The following ADAMTS18 variants were observed in gnomAD, a reference collection of about 807,000 sequenced individuals.
ADAMTS18 encodes A disintegrin and metalloproteinase with thrombospondin motifs 18.
ADAMTS18 carries 157 observed loss-of-function variants against 165.9 expected under a neutral mutation model. That is an observed-to-expected ratio of 0.95 (90% CI 0.83 to 1.08). The LOEUF (loss-of-function observed/expected upper bound fraction) is 1.08. ADAMTS18 is among the 50% of genes least tolerant of loss of function. The pLI, the probability that ADAMTS18 is intolerant of heterozygous loss-of-function variation, is 0.00. For synonymous variants in ADAMTS18, 782 were observed against 578.2 expected (o/e 1.35, Z -5.06); for missense variants, 2,040 against 1,534.0 (o/e 1.33, Z -5.51).
intron 3 of ADAMTS18, among the ~76,000 whole-genome samples, chr16:77,387,042 T>A (rs1049393220): frequency 2.0e-5 from 3 of 152,206 alleles, no homozygotes; most frequent in African/African-American, 7.2e-5. Context: ...AGAGGGCTAT[T>A]TGCATACTAA....
At chr16:77,332,955 G>C (rs2056214502) in intron 12 of ADAMTS18, among the ~76,000 whole-genome samples, 1 of 152,182 alleles carries the variant, frequency 6.6e-6, no homozygotes, top group South Asian at 2.1e-4. Context: ...GTCAACACGT[G>C]TTGATGTACA....
chr16:77,308,423 T>C (rs533695814), intron 16 of ADAMTS18, among the ~76,000 whole-genome samples: 4 of 152,050 alleles, frequency 2.6e-5, no homozygotes, highest in Non-Finnish European at 5.9e-5. Context: ...TGTGTGTGTA[T>C]GTGGGTGAGA....
chr16:77,428,230 T>A (rs148402834), intron 3 of ADAMTS18, among the ~76,000 whole-genome samples: 4 of 152,216 alleles, frequency 2.6e-5, no homozygotes, highest in African/African-American at 9.6e-5. Context: ...AGGGTGGCTG[T>A]CTCTCCTGGC....
chr16:77,288,119 T>TG (rs1311512052), intron 22 of ADAMTS18, among the ~76,000 whole-genome samples: 3 of 152,248 alleles, frequency 2.0e-5, no homozygotes, highest in Non-Finnish European at 4.4e-5. Context: ...TATTAGGTGC[T>TG]GGGTGAGCCA....
In ADAMTS18 at chr16:77,294,925, G is replaced by A. The variant is rs1452781260; in HGVS notation, c.3004C>T (p.Gln1002Ter). Residue 1002 changes from glutamine to a stop codon, truncating the protein, a stop_gained and splice_region_variant, in exon 19 of 23, where the codon CAG becomes TAG. Transcript: ENST00000282849. LOFTEE classifies it high-confidence loss of function. ...ACTCCCAAGTTTTCTCCTGTTACCT[G>A]AGACCAGGGTCCAAGGCTCCATTGT... The part of the protein sequence containing the change: ...PPQWSLGPWS[Q>*]CSKTCGRGVR... The A allele has an allele frequency of 6.2e-7, 1 of 1,614,096 alleles. No individual in the cohort carries two copies. The highest frequency in any genetic ancestry group is 1.7e-5 in the Admixed American group (1 of 60,020).
Position 77,283,855 on chromosome 16 carries a change from G to C in ADAMTS18, c.*101C>G, listed in dbSNP as rs779949920. The stretch of plus-strand genomic sequence containing the variant: ...TCCTTCATCACAGCGGCAGCTCACA[G>C]ATGGTTCTCGGTGCTCAGCTCCTGG... On this transcript the variant is annotated 3_prime_UTR_variant, in exon 23 of 23. Coordinates refer to ENST00000282849, the MANE Select transcript of ADAMTS18 (RefSeq NM_199355.4). 1 of 909,900 alleles carries C rather than the reference G, an allele frequency of 1.1e-6. No individual in the cohort carries two copies. The highest frequency in any genetic ancestry group is 1.6e-5 in the African/African-American group (1 of 61,062). 56.4% of individuals were successfully genotyped at this position (909,900 alleles called of 1,614,324 possible). A position where few individuals can be genotyped will look rare whatever the true frequency, so the allele number is the denominator to read the frequency against.
At position 77,434,812 on chromosome 16, in the gene ADAMTS18, G is replaced by C. The variant is rs546839632; in HGVS notation, c.-117C>G. 137 of 861,812 alleles carry C rather than the reference G, an allele frequency of 1.6e-4. No individual in the cohort carries two copies. In the African/African-American group the frequency reaches 2.3e-3, roughly 14 times the overall value. The allele number at this position is 861,812 out of a possible 1,614,324, so 53.4% of individuals were successfully genotyped here. A position where few individuals can be genotyped will look rare whatever the true frequency, so the allele number is the denominator to read the frequency against. On this transcript the variant is annotated 5_prime_UTR_variant, in exon 1 of 23. Coordinates refer to ENST00000282849, the MANE Select transcript of ADAMTS18 (RefSeq NM_199355.4). Reference sequence around the variant, plus strand: ...GCGCCCCAGGTGCGGCTCCAGGTGAGAGCCGCCGCCGTTCACATCGCAGCG... The same window carrying C: ...GCGCCCCAGGTGCGGCTCCAGGTGACAGCCGCCGCCGTTCACATCGCAGCG...
At chr16:77,321,637 G>C (rs2056000411) in intron 14 of ADAMTS18, among the ~76,000 whole-genome samples, 1 of 151,998 alleles carries the variant, frequency 6.6e-6, no homozygotes, top group Non-Finnish European at 1.5e-5. Context: ...AAAATAACTG[G>C]GGAAAAATAG....
chr16:77,300,936 C>T (rs2055570790), intron 16 of ADAMTS18, among the ~76,000 whole-genome samples: 1 of 152,180 alleles, frequency 6.6e-6, no homozygotes, highest in Non-Finnish European at 1.5e-5. Flanking sequence ...AATACCCCCA[C>T]TTAGAGTTGC....
In ADAMTS18 at chr16:77,326,017, G is replaced by GA; in HGVS notation, c.1880dup (p.Cys628LeufsTer5). 1 of 1,614,006 alleles carries GA rather than the reference G, an allele frequency of 6.2e-7. No homozygotes were observed. The stretch of plus-strand genomic sequence containing the variant: ...GATAAATACGGCTAGAACCTGGACA[G>GA]AATAAGCCACCATACTGAGGCCTGA... On this transcript the variant is annotated frameshift_variant, in exon 13 of 23. Transcript: ENST00000282849. LOFTEE classifies it high-confidence loss of function.
chr16:77,401,614 G>C (rs1450413867), intron 3 of ADAMTS18, among the ~76,000 whole-genome samples: 1 of 152,152 alleles, frequency 6.6e-6, no homozygotes, highest in Non-Finnish European at 1.5e-5. Context: ...GTATCAAATT[G>C]ACTGGGCTAA....
chr16:77,379,363 T>C (rs1462096705), intron 3 of ADAMTS18, among the ~76,000 whole-genome samples: 3 of 152,208 alleles, frequency 2.0e-5, no homozygotes, highest in Admixed American at 6.5e-5. Flanking sequence ...GCTACTGGCC[T>C]TAAAGAGTAA....
chr16:77,282,292 AAATT>A lies in ADAMTS18; in HGVS notation c.*1660_*1663del, dbSNP rs1454173121. ...AACACATAATAGGCTATTAATTAATAAATTAATTTTCCATAAAATAATAAAATGA... is the reference window on the plus strand; with the variant it reads ...AACACATAATAGGCTATTAATTAATAAATTTTCCATAAAATAATAAAATGA... On this transcript the variant is annotated 3_prime_UTR_variant, in exon 23 of 23. Coordinates refer to ENST00000282849, the MANE Select transcript of ADAMTS18 (RefSeq NM_199355.4). 6 of 152,130 alleles carry A rather than the reference AAATT, an allele frequency of 3.9e-5. No homozygotes were observed. Among genetic ancestry groups the A allele is most frequent in the Admixed American group, 1.3e-4 (2 of 15,282 alleles). The allele number at this position is 152,130 out of a possible 1,614,324, so 9.4% of individuals were successfully genotyped here.
At chr16:77,387,868 T>C (rs186425114) in intron 3 of ADAMTS18, among the ~76,000 whole-genome samples, 1 of 152,226 alleles carries the variant, frequency 6.6e-6, no homozygotes, top group East Asian at 1.9e-4. Flanking sequence ...CTGCCCCCAT[T>C]TGGGTGCTGC....
intron 12 of ADAMTS18, among the ~76,000 whole-genome samples, chr16:77,326,866 C>T (rs906584198): frequency 6.6e-6 from 1 of 152,112 alleles, no homozygotes; most frequent in African/African-American, 2.4e-5. Context: ...AATCCTCTTC[C>T]TCCTCCAACC....
intron 14 of ADAMTS18, 57 bp from the exon 15 acceptor site, chr16:77,321,259 G>A (rs1322136783): frequency 6.2e-7 from 1 of 1,605,778 alleles, no homozygotes; most frequent in African/African-American, 1.3e-5. Flanking sequence ...CAGAGGCTGG[G>A]AATAATTAAG....
intron 3 of ADAMTS18, among the ~76,000 whole-genome samples, chr16:77,411,103 G>A (rs1371544106): frequency 6.6e-6 from 1 of 152,182 alleles, no homozygotes; most frequent in East Asian, 1.9e-4. Context: ...TAGTATGGCA[G>A]CAATGATTTA....
Position 77,346,367 on chromosome 16 carries a change from G to C in ADAMTS18, c.1615-4568C>G, listed in dbSNP as rs1276476477. Among the ~76,000 whole-genome samples, 4 of 151,982 alleles carry C rather than the reference G, an allele frequency of 2.6e-5. No individual in the cohort carries two copies. In the South Asian group the frequency reaches 6.2e-4, roughly 24 times the overall value. On this transcript the variant is annotated intron_variant, in intron 10 of 22. Coordinates refer to ENST00000282849, the MANE Select transcript of ADAMTS18 (RefSeq NM_199355.4). ...CAAAACAGTGCCTGGTACAAAGTAGGCTTCAGTAAATCAATATATGAATAA... is the reference window on the plus strand; with the variant it reads ...CAAAACAGTGCCTGGTACAAAGTAGCCTTCAGTAAATCAATATATGAATAA...
At position 77,282,157 on chromosome 16, in the gene ADAMTS18, A is replaced by T. The variant is rs374830732; in HGVS notation, c.*1799T>A. On this transcript the variant is annotated 3_prime_UTR_variant, in exon 23 of 23. Transcript: ENST00000282849. The stretch of plus-strand genomic sequence containing the variant: ...AGATAAAGAAATGGAATACTTTATT[A>T]TAAAACTTATAAAATAATTAAATAT... The T allele has an allele frequency of 6.6e-6, 1 of 152,228 alleles. No individual in the cohort carries two copies. The highest frequency in any genetic ancestry group is 2.4e-5 in the African/African-American group (1 of 41,470). 9.4% of individuals were successfully genotyped at this position (152,228 alleles called of 1,614,324 possible).
Sources: gnomAD v4.1 joint callset for allele counts (sites outside exome capture counted in the v4.1 genomes callset) on GRCh38, gnomAD v4.1.1 for gene constraint, MANE v1.5 for transcripts, NCBI Gene and HGNC (gene_info 2026-07-23, HGNC 2026-07-21) for gene names.